Variants in XKR9 observed in about 807,000 individuals in gnomAD.
XKR9 encodes XK-related protein 9.
A neutral mutation model predicts 32.0 loss-of-function variants in XKR9; 32 were observed. The observed-to-expected ratio is 1.00, with a 90% CI of 0.76 to 1.34. XKR9 has a LOEUF of 1.34. XKR9 is among the 40% of genes most tolerant of loss of function. XKR9 has a pLI of 0.00. For synonymous variants in XKR9, 168 were observed against 143.4 expected (o/e 1.17, Z -1.22); for missense variants, 546 against 429.7 (o/e 1.27, Z -2.39).
chr8:71,039,089 C>T, the XKR9 span, among the ~76,000 whole-genome samples: 1 of 152,136 alleles, frequency 6.6e-6, no homozygotes, highest in Non-Finnish European at 1.5e-5. Context: ...CAGGCATGAG[C>T]CACCGTGCCT....
intron 2 of XKR9, among the ~76,000 whole-genome samples, chr8:70,789,023 A>G (rs1261371953): frequency 6.6e-6 from 1 of 152,080 alleles, no homozygotes; most frequent in Non-Finnish European, 1.5e-5. Context: ...TATGAGGACC[A>G]TTATAATTTA....
intron 3 of XKR9, among the ~76,000 whole-genome samples, chr8:70,682,242 T>A (rs1365259940): frequency 6.6e-6 from 1 of 152,164 alleles, no homozygotes. Context: ...GTAAAAGTGC[T>A]GATGAACAAA....
chr8:71,063,308 A>G, the XKR9 span, among the ~76,000 whole-genome samples: 1 of 152,146 alleles, frequency 6.6e-6, no homozygotes, highest in African/African-American at 2.4e-5. Flanking sequence ...TCAAACACAC[A>G]CTTGTACCAT....
intron 2 of XKR9, among the ~76,000 whole-genome samples, chr8:70,751,292 G>C (rs1586882887): frequency 6.6e-6 from 1 of 152,078 alleles, no homozygotes; most frequent in Non-Finnish European, 1.5e-5. Context: ...ACCATGGCTG[G>C]CTAATTTTTG....
At chr8:70,880,716 A>C in the XKR9 span, among the ~76,000 whole-genome samples, 1 of 152,208 alleles carries the variant, frequency 6.6e-6, no homozygotes, top group East Asian at 1.9e-4. Flanking sequence ...TTATAGATTC[A>C]ATGCCATCCC....
At chr8:70,853,422 C>A in the XKR9 span, among the ~76,000 whole-genome samples, 1 of 151,784 alleles carries the variant, frequency 6.6e-6, no homozygotes, top group Admixed American at 6.6e-5. Context: ...CTCTATAAAC[C>A]TGTACATCTA....
At chr8:70,806,426 T>C in the XKR9 span, among the ~76,000 whole-genome samples, 85 of 152,204 alleles carry the variant, frequency 5.6e-4, 1 homozygote, top group African/African-American at 1.9e-3. Flanking sequence ...GATGGACAAA[T>C]AGACAGAAGT....
chr8:70,962,897 A>G, the XKR9 span, among the ~76,000 whole-genome samples: 1 of 152,190 alleles, frequency 6.6e-6, no homozygotes, highest in Admixed American at 6.5e-5. Context: ...CATTACATAT[A>G]TTTTAATAAG....
the XKR9 span, among the ~76,000 whole-genome samples, chr8:70,945,294 C>T: frequency 6.6e-6 from 1 of 152,166 alleles, no homozygotes; most frequent in Non-Finnish European, 1.5e-5. Context: ...AGACCTTGGG[C>T]ATGAGTCACC....
the XKR9 span, among the ~76,000 whole-genome samples, chr8:70,856,655 A>G: frequency 6.6e-6 from 1 of 152,296 alleles, no homozygotes. Flanking sequence ...TTCACCCCAA[A>G]TCAACAGAAT....
At chr8:70,755,886 T>C (rs985066524) in intron 2 of XKR9, among the ~76,000 whole-genome samples, 1 of 137,584 alleles carries the variant, frequency 7.3e-6, no homozygotes, top group Non-Finnish European at 1.7e-5. Flanking sequence ...ATTGTGCACA[T>C]GTACCCTAAA....
At chr8:70,890,130 T>C in the XKR9 span, among the ~76,000 whole-genome samples, 2 of 151,984 alleles carry the variant, frequency 1.3e-5, no homozygotes, top group African/African-American at 2.4e-5. Flanking sequence ...TGATGTGAGA[T>C]GGTCTCATTG....
At chr8:70,694,816 T>G (rs1805202649) in intron 3 of XKR9, among the ~76,000 whole-genome samples, 1 of 152,242 alleles carries the variant, frequency 6.6e-6, no homozygotes, top group Admixed American at 6.5e-5. Context: ...TAGGGGTATG[T>G]ACAGGAGTCT....
At chr8:70,998,864 G>C in the XKR9 span, among the ~76,000 whole-genome samples, 1 of 152,268 alleles carries the variant, frequency 6.6e-6, no homozygotes, top group East Asian at 1.9e-4. Flanking sequence ...TTGTCCCTCG[G>C]TGTCTGTGGA....
chr8:71,008,648 A>G, the XKR9 span, among the ~76,000 whole-genome samples: 3 of 152,110 alleles, frequency 2.0e-5, no homozygotes, highest in Admixed American at 6.6e-5. Flanking sequence ...TACTTTTTAG[A>G]CAGAATCTCA....
the XKR9 span, among the ~76,000 whole-genome samples, chr8:71,030,368 G>T: frequency 2.9e-3 from 440 of 152,202 alleles, 4 homozygotes; most frequent in African/African-American, 9.9e-3. Flanking sequence ...GACACTCTGG[G>T]AGCTGAGTAG....
intron 4 of XKR9, among the ~76,000 whole-genome samples, chr8:70,714,719 G>A (rs1016014182): frequency 2.6e-5 from 4 of 151,932 alleles, no homozygotes; most frequent in Admixed American, 6.6e-5. Context: ...TTTAACTCGC[G>A]TTTGAATTGA....
At chr8:70,716,077 AAC>A in intron 4 of XKR9, among the ~76,000 whole-genome samples, 1 of 152,082 alleles carries the variant, frequency 6.6e-6, no homozygotes, top group African/African-American at 2.4e-5. Context: ...ACTTAAGAGC[AAC>A]TGGCTTAGAG....
At chr8:70,893,514 T>A in the XKR9 span, among the ~76,000 whole-genome samples, 6 of 152,206 alleles carry the variant, frequency 3.9e-5, no homozygotes, top group Admixed American at 2.6e-4. Context: ...ATTTCACCTG[T>A]AGTTAATTTT....
Sources: gnomAD v4.1 joint callset for allele counts (sites outside exome capture counted in the v4.1 genomes callset) on GRCh38, gnomAD v4.1.1 for gene constraint, MANE v1.5 for transcripts, NCBI Gene and HGNC (gene_info 2026-07-23, HGNC 2026-07-21) for gene names.